The following UBXN8 variants were observed in gnomAD, a reference collection of about 807,000 sequenced individuals.
UBXN8 encodes UBX domain protein 8.
A neutral mutation model predicts 32.1 loss-of-function variants in UBXN8; 27 were observed. The observed-to-expected ratio is 0.84, with a 90% confidence interval of 0.62 to 1.16. The LOEUF (loss-of-function observed/expected upper bound fraction) is 1.16. Ranked by LOEUF, UBXN8 falls within the 50% of genes most tolerant of loss-of-function variation. The pLI is 0.00. For missense variants in UBXN8, 306 were observed against 311.4 expected, an observed-to-expected ratio of 0.98 and a Z score of 0.13; for synonymous variants, 109 against 111.8, an observed-to-expected ratio of 0.98 and a Z score of 0.16.
rs531995983 is a variant in UBXN8, at chr8:30,766,670, A to G, written c.*276A>G. 5.4e-6 allele frequency: 1 copy of G among 184,006 alleles called. No homozygotes were observed. The highest frequency in any genetic ancestry group is 1.1e-5 in the Non-Finnish European group (1 of 88,588). The allele number at this position is 184,006 out of a possible 1,614,324, so 11.4% of individuals were successfully genotyped here. Reference sequence around the variant, plus strand: ...TAATTGGTATTTTTTCCCAGCTGACATGATTTCTCAGTGTTAGAAAACAAA... The same window carrying G: ...TAATTGGTATTTTTTCCCAGCTGACGTGATTTCTCAGTGTTAGAAAACAAA... On this transcript the variant is annotated 3_prime_UTR_variant, in exon 8 of 8. Transcript: ENST00000265616.
intron 1 of UBXN8, 62 bp downstream of exon 1, chr8:30,744,339 A>T: frequency 6.6e-7 from 1 of 1,513,706 alleles, no homozygotes; most frequent in Non-Finnish European, 9.1e-7. Flanking sequence ...AATGTTGCAT[A>T]GAACGACCGC....
intron 6 of UBXN8, 89 bp from the exon 7 acceptor site, chr8:30,763,184 T>A (rs1805903919): frequency 7.9e-7 from 1 of 1,270,304 alleles, no homozygotes; most frequent in South Asian, 1.2e-5. Flanking sequence ...AGTATCTAAG[T>A]CCTTTTTAGC....
upstream of UBXN8, among the ~76,000 whole-genome samples, chr8:30,743,150 C>CCAAGTACGAAA (rs1805251191): frequency 9.5e-6 from 1 of 105,044 alleles, no homozygotes; most frequent in African/African-American, 3.7e-5. Context: ...AATATAATTT[C>CCAAGTACGAAA]TTTCTTTCTT....
rs1206431766 is a variant in UBXN8 at position 30,754,436 on chromosome 8, A to G, written c.283-229A>G. ...GATTGTTCCCAGCATGAAAACCACA[A>G]CCTGGTTGATACTGTCATAATCAGG... On this transcript the variant is annotated intron_variant, in intron 3 of 7. Transcript: ENST00000265616. 6 of 616,502 alleles carry G rather than the reference A, an allele frequency of 9.7e-6. No individual in the cohort carries two copies. The Admixed American group carries it at 9.8e-5, about 10-fold the overall frequency. 38.2% of individuals were successfully genotyped at this position (616,502 alleles called of 1,614,324 possible).
At chr8:30,737,907 T>C (rs913954456) in intron 1 of UBXN8, among the ~76,000 whole-genome samples, 1 of 152,116 alleles carries the variant, frequency 6.6e-6, no homozygotes. Flanking sequence ...AAAAAGAGAC[T>C]ACTAAAAGAG....
upstream of UBXN8, among the ~76,000 whole-genome samples, chr8:30,731,180 GC>G (rs1418729251): frequency 6.6e-6 from 1 of 152,222 alleles, no homozygotes; most frequent in Non-Finnish European, 1.5e-5. Context: ...GGAGGAAGGG[GC>G]CCTGCTCAAC....
At chr8:30,745,025 A>C (rs1805327892) in intron 1 of UBXN8, among the ~76,000 whole-genome samples, 1 of 152,192 alleles carries the variant, frequency 6.6e-6, no homozygotes, top group Admixed American at 6.5e-5. Flanking sequence ...CCCATTTTAC[A>C]GTTGAGGGAA....
At chr8:30,755,908 A>G (rs558897219) in intron 4 of UBXN8, among the ~76,000 whole-genome samples, 8 of 151,962 alleles carry the variant, frequency 5.3e-5, no homozygotes, top group Non-Finnish European at 8.8e-5. Flanking sequence ...CTCAGGTTAT[A>G]TATGTTATTA....
chr8:30,760,064 C>CTTT (rs35456214), intron 5 of UBXN8, among the ~76,000 whole-genome samples: 17 of 134,972 alleles, frequency 1.3e-4, no homozygotes, highest in South Asian at 9.3e-4. Context: ...ATTTTCTTTT[C>CTTT]TTTTTTTTTT....
At position 30,745,061 on chromosome 8, in the gene UBXN8, T is replaced by G. The variant is rs148512278; in HGVS notation, c.88+784T>G. On this transcript the variant is annotated intron_variant, in intron 1 of 7. Transcript: ENST00000265616. ...CTAAAATTTAGGGAGGTTAAGTGAC[T>G]TCCCTAAGTTTTAAAAAGGTCACTC... Among the ~76,000 whole-genome samples, 371 of 152,320 alleles carry G rather than the reference T, an allele frequency of 2.4e-3. 3 individuals carry two copies. Among genetic ancestry groups the G allele is most frequent in the African/African-American group, 8.2e-3 (341 of 41,566 alleles).
intron 1 of UBXN8, among the ~76,000 whole-genome samples, chr8:30,750,794 C>T (rs1176831030): frequency 1.4e-5 from 2 of 138,950 alleles, no homozygotes; most frequent in East Asian, 2.1e-4. Flanking sequence ...AGAAGAGCAA[C>T]ACCCTGTCTC....
chr8:30,741,880 G>C (rs2128752459), upstream of UBXN8, among the ~76,000 whole-genome samples: 1 of 152,332 alleles, frequency 6.6e-6, no homozygotes, highest in African/African-American at 2.4e-5. Flanking sequence ...GGGAAATGCT[G>C]GCTTCCCATA....
chr8:30,734,473 A>C (rs1378868943), intron 1 of UBXN8: 1 of 152,090 alleles, frequency 6.6e-6, no homozygotes, highest in Non-Finnish European at 1.5e-5. Context: ...ATTAAAAATT[A>C]GCTGGGTGTG....
intron 1 of UBXN8, among the ~76,000 whole-genome samples, chr8:30,750,785 G>A (rs1313773401): frequency 7.5e-6 from 1 of 133,338 alleles, no homozygotes; most frequent in Non-Finnish European, 1.6e-5. Context: ...AAAAAAAAAA[G>A]AAGAGCAACA....
upstream of UBXN8, chr8:30,732,266 C>A (rs1343763782): frequency 5.0e-6 from 2 of 396,558 alleles, no homozygotes; most frequent in African/African-American, 4.1e-5. Flanking sequence ...CTGGGACACC[C>A]CACGGCAGTC....
chr8:30,744,228 T>G lies in UBXN8; in HGVS notation c.39T>G (p.Ser13=). ...GGGTTGTTGGCATTTTCTTCCTCTC[T>G]GCTGTCCCCCTTGTGTGTCTGGAGC... is the stretch of plus-strand genomic sequence containing the variant. ...SRGVVGIFFL[S]AVPLVCLELR... The change falls in exon 1 of 8, where the codon TCT becomes TCG. Residue 13 remains serine, a synonymous_variant. Coordinates refer to ENST00000265616, the MANE Select transcript of UBXN8 (RefSeq NM_005671.4). 1.2e-6 allele frequency: 2 copies of G among 1,613,906 alleles called. No homozygotes were observed. The highest frequency in any genetic ancestry group is 1.7e-6 in the Non-Finnish European group (2 of 1,179,852).
At position 30,766,274 on chromosome 8, in the gene UBXN8, C is replaced by G. The variant is rs751044137; in HGVS notation, c.693C>G (p.Tyr231Ter). Residue 231 changes from tyrosine to a stop codon, truncating the protein, a stop_gained, in exon 8 of 8, where the codon TAC becomes TAG. Transcript: ENST00000265616. LOFTEE classifies it high-confidence loss of function. ...MTRIGYHISL[Y>*]SLSTSFPRRP... is the part of the protein sequence containing the mutation. ...GAATTGGGTACCACATATCTCTATA[C>G]AGCCTTTCTACTTCCTTTCCCAGAC... 5 of 1,613,658 alleles carry G rather than the reference C, an allele frequency of 3.1e-6. No homozygotes were observed. Among genetic ancestry groups the G allele is most frequent in the Non-Finnish European group, 4.2e-6 (5 of 1,179,760 alleles).
At chr8:30,729,872 C>T (rs1408140722), upstream of UBXN8, among the ~76,000 whole-genome samples, 1 of 152,164 alleles carries the variant, frequency 6.6e-6, no homozygotes, top group Non-Finnish European at 1.5e-5. Flanking sequence ...CATACATAGA[C>T]ACTTGGTTAC....
intron 3 of UBXN8, 198 bp from the exon 4 acceptor site, chr8:30,754,467 C>A: frequency 1.5e-6 from 1 of 668,002 alleles, no homozygotes; most frequent in Non-Finnish European, 2.7e-6. Flanking sequence ...TCAGGCAGGT[C>A]AAAAACAAAT....
Sources: gnomAD v4.1 joint callset for allele counts (sites outside exome capture counted in the v4.1 genomes callset) on GRCh38, gnomAD v4.1.1 for gene constraint, MANE v1.5 for transcripts, NCBI Gene and HGNC (gene_info 2026-07-23, HGNC 2026-07-21) for gene names.